The following ZDHHC7 variants were observed in gnomAD, a reference collection of about 807,000 sequenced individuals.
ZDHHC7 encodes the protein palmitoyltransferase ZDHHC7.
A neutral mutation model predicts 34.1 loss-of-function variants in ZDHHC7; 12 were observed. The ratio of observed to expected loss-of-function variants is 0.35; its 90% CI spans 0.23 to 0.57. ZDHHC7 has a LOEUF of 0.57. Ranked by LOEUF, ZDHHC7 falls within the 20% of genes least tolerant of loss-of-function variation. The pLI is 0.84. For synonymous variants in ZDHHC7, 185 were observed against 155.4 expected (o/e 1.19, Z -1.42); for missense variants, 388 against 402.7 (o/e 0.96, Z 0.31).
the ZDHHC7 span, among the ~76,000 whole-genome samples, chr16:85,018,215 C>G: frequency 2.6e-5 from 4 of 152,030 alleles, no homozygotes; most frequent in Non-Finnish European, 5.9e-5. Flanking sequence ...CTGGATTATT[C>G]TTGTCTCATA....
the ZDHHC7 span, among the ~76,000 whole-genome samples, chr16:85,024,556 C>T: frequency 3.9e-5 from 6 of 152,154 alleles, no homozygotes; most frequent in Non-Finnish European, 7.3e-5. Context: ...ATTGATTTAG[C>T]CATCCAATAA....
At chr16:84,989,945 G>C (rs2072486583) in intron 3 of ZDHHC7, among the ~76,000 whole-genome samples, 1 of 152,086 alleles carries the variant, frequency 6.6e-6, no homozygotes, top group South Asian at 2.1e-4. Context: ...GGGAAGCCTG[G>C]AACTCACTTA....
intron 3 of ZDHHC7, among the ~76,000 whole-genome samples, chr16:84,984,079 G>C (rs989235129): frequency 6.6e-6 from 1 of 150,686 alleles, no homozygotes; most frequent in Non-Finnish European, 1.5e-5. Context: ...GAGTGCAGTG[G>C]TGTGATCTTG....
At chr16:84,996,363 A>G (rs2072576600) in intron 1 of ZDHHC7, among the ~76,000 whole-genome samples, 1 of 152,166 alleles carries the variant, frequency 6.6e-6, no homozygotes, top group Admixed American at 6.6e-5. Flanking sequence ...TACTGGCCAC[A>G]TTAAAGGAAT....
chr16:85,021,529 T>C, the ZDHHC7 span, among the ~76,000 whole-genome samples: 1 of 150,844 alleles, frequency 6.6e-6, no homozygotes, highest in East Asian at 2.0e-4. Flanking sequence ...GCCAACACAG[T>C]GAAACCTTGT....
intron 1 of ZDHHC7, among the ~76,000 whole-genome samples, chr16:84,997,471 C>T (rs1227828812): frequency 1.3e-5 from 2 of 150,396 alleles, no homozygotes; most frequent in Non-Finnish European, 3.0e-5. Flanking sequence ...CGTGGTTTCA[C>T]CATGTTATCC....
At chr16:85,004,821 C>T (rs1033944320) in intron 1 of ZDHHC7, 1 of 152,120 alleles carries the variant, frequency 6.6e-6, no homozygotes, top group African/African-American at 2.4e-5. Context: ...GGGAGTGGGC[C>T]AGAGGCCCAA....
chr16:84,997,251 T>C (rs996831897), intron 1 of ZDHHC7, among the ~76,000 whole-genome samples: 12 of 149,698 alleles, frequency 8.0e-5, no homozygotes, highest in East Asian at 2.0e-4. Context: ...CAACAGTCTA[T>C]AGATTCTAAA....
intron 1 of ZDHHC7, among the ~76,000 whole-genome samples, chr16:85,004,092 C>A (rs2072687094): frequency 6.6e-6 from 1 of 152,092 alleles, no homozygotes; most frequent in Admixed American, 6.5e-5. Context: ...GTCTATCCAA[C>A]TGGCCACTTA....
chr16:85,024,188 G>C, the ZDHHC7 span, among the ~76,000 whole-genome samples: 931 of 149,420 alleles, frequency 6.2e-3, 11 homozygotes, highest in South Asian at 0.03. Context: ...AAAGTGCTGA[G>C]ATTACAGGCA....
intron 1 of ZDHHC7, among the ~76,000 whole-genome samples, chr16:85,009,763 C>T (rs1388675245): frequency 1.5e-5 from 2 of 137,090 alleles, no homozygotes; most frequent in African/African-American, 5.6e-5. Context: ...GACTGGAGTG[C>T]AGTGGCGCGA....
chr16:84,976,060 A>G lies in ZDHHC7; in HGVS notation c.*283T>C, dbSNP rs756541870. On this transcript the variant is annotated 3_prime_UTR_variant, in exon 8 of 8. Coordinates refer to ENST00000313732, the MANE Select transcript of ZDHHC7 (RefSeq NM_017740.3). ...ACCCAGGATTTGAATAACCCATGTA[A>G]TAACCCGAAGTATTCTCCACAGAAG... 9.6e-6 allele frequency: 4 copies of G among 417,906 alleles called. No homozygotes were observed. The South Asian group carries it at 1.1e-4, about 12-fold the overall frequency. 25.9% of individuals were successfully genotyped at this position (417,906 alleles called of 1,614,324 possible). A position where few individuals can be genotyped will look rare whatever the true frequency, so the allele number is the denominator to read the frequency against.
intron 2 of ZDHHC7, among the ~76,000 whole-genome samples, chr16:84,993,225 G>T (rs141480251): frequency 6.6e-6 from 1 of 152,072 alleles, no homozygotes; most frequent in Admixed American, 6.5e-5. Flanking sequence ...GGAGGCTGAG[G>T]GGGGAAGATT....
At chr16:84,998,606 C>G (rs765151719) in intron 1 of ZDHHC7, among the ~76,000 whole-genome samples, 1 of 152,186 alleles carries the variant, frequency 6.6e-6, no homozygotes, top group South Asian at 2.1e-4. Context: ...TGGGCCCGCT[C>G]TGTGGAGGTC....
chr16:84,996,498 A>G (rs2072578714), intron 1 of ZDHHC7, among the ~76,000 whole-genome samples: 1 of 152,192 alleles, frequency 6.6e-6, no homozygotes, highest in Non-Finnish European at 1.5e-5. Context: ...CAATGAGAGC[A>G]GAGACTCCTG....
At chr16:84,991,230 A>G (rs1188268621) in intron 2 of ZDHHC7, among the ~76,000 whole-genome samples, 1 of 152,142 alleles carries the variant, frequency 6.6e-6, no homozygotes, top group Non-Finnish European at 1.5e-5. Context: ...GCAGACTCCC[A>G]TTTTTATATC....
the ZDHHC7 span, among the ~76,000 whole-genome samples, chr16:85,018,574 G>A: frequency 0.23 from 34,832 of 151,718 alleles, 5,067 homozygotes; most frequent in African/African-American, 0.39. Flanking sequence ...CAGCCTCCCT[G>A]GTAGCTGGGA....
the ZDHHC7 span, among the ~76,000 whole-genome samples, chr16:85,027,279 T>G: frequency 6.6e-6 from 1 of 152,216 alleles, no homozygotes; most frequent in African/African-American, 2.4e-5. Context: ...ATTATTATTT[T>G]TTTTAGCTCC....
chr16:84,992,592 G>C (rs1277805881), intron 2 of ZDHHC7, among the ~76,000 whole-genome samples: 2 of 152,222 alleles, frequency 1.3e-5, no homozygotes, highest in African/African-American at 4.8e-5. Context: ...TAAAGAGCCA[G>C]GGAAAGGAAG....
Sources: allele counts gnomAD v4.1 joint callset (sites outside exome capture counted in the v4.1 genomes callset), GRCh38; gene constraint gnomAD v4.1.1; transcripts MANE v1.5; gene names NCBI Gene and HGNC (gene_info 2026-07-23, HGNC 2026-07-21).